Variants in ZNF423 observed in about 807,000 individuals in gnomAD.
The protein encoded by ZNF423 is Ebf-associated zinc finger protein.
A neutral mutation model predicts 95.8 loss-of-function variants in ZNF423; 12 were observed. The ratio of observed to expected loss-of-function variants is 0.13; its 90% CI spans 0.08 to 0.20. ZNF423 has a LOEUF of 0.20. Among genes scored for constraint, ZNF423 ranks in the 10% least tolerant of loss-of-function variants. The probability of loss-of-function intolerance (pLI) is 1.00; values close to 1 mark genes in which losing one functional copy is unlikely to be tolerated. For missense variants in ZNF423, 1,316 were observed against 1,737.1 expected, an observed-to-expected ratio of 0.76 and a Z score of 4.31; for synonymous variants, 749 against 711.9, an observed-to-expected ratio of 1.05 and a Z score of -0.83.
chr16:49,714,244 C>T (rs1260967850), intron 3 of ZNF423, among the ~76,000 whole-genome samples: 1 of 152,190 alleles, frequency 6.6e-6, no homozygotes, highest in Admixed American at 6.5e-5. Context: ...TATGACGAAG[C>T]ACCCGGTGCT....
At position 49,665,985 on chromosome 16, in the gene ZNF423, T is replaced by G. The variant is rs182868132; in HGVS notation, c.302-27111A>C. On this transcript the variant is annotated intron_variant, in intron 3 of 7. Transcript: ENST00000563137. ...CTCCTAATGGCCTGGCTGTCCCGAG[T>G]GGGCCCCGGAACACAGCAAACTTCA... 5.3e-5 allele frequency among the ~76,000 whole-genome samples: 8 copies of G among 152,206 alleles called. No individual in the cohort carries two copies. In the East Asian group the frequency reaches 1.5e-3, roughly 29 times the overall value.
intron 5 of ZNF423, among the ~76,000 whole-genome samples, chr16:49,596,346 A>ACAGC (rs1483439662): frequency 6.6e-6 from 1 of 152,184 alleles, no homozygotes; most frequent in Non-Finnish European, 1.5e-5. Context: ...TCAGCCCTGG[A>ACAGC]CAGCCGGAGT....
chr16:49,576,232 T>C (rs1970495219), intron 5 of ZNF423, among the ~76,000 whole-genome samples: 1 of 152,212 alleles, frequency 6.6e-6, no homozygotes, highest in Admixed American at 6.5e-5. Context: ...AGATAGACAC[T>C]GGGAACACTG....
chr16:49,583,255 C>G (rs1249587898), intron 5 of ZNF423, among the ~76,000 whole-genome samples: 1 of 152,146 alleles, frequency 6.6e-6, no homozygotes, highest in Non-Finnish European at 1.5e-5. Context: ...CCTGTATGTT[C>G]CTATCCTTGG....
At chr16:49,740,935 G>A (rs1197928457) in intron 2 of ZNF423, among the ~76,000 whole-genome samples, 1 of 152,114 alleles carries the variant, frequency 6.6e-6, no homozygotes, top group African/African-American at 2.4e-5. Flanking sequence ...CTTTCGCCTC[G>A]TGACCCCCAG....
At chr16:49,655,440 G>A (rs1318205624) in intron 3 of ZNF423, among the ~76,000 whole-genome samples, 1 of 152,158 alleles carries the variant, frequency 6.6e-6, no homozygotes, top group Non-Finnish European at 1.5e-5. Flanking sequence ...GGAAAACAGT[G>A]ATCAGTGACC....
At chr16:49,559,396 C>A (rs189970975) in intron 5 of ZNF423, among the ~76,000 whole-genome samples, 2 of 152,182 alleles carry the variant, frequency 1.3e-5, no homozygotes, top group African/African-American at 4.8e-5. Flanking sequence ...GGCCAGATGG[C>A]GAGAGATTTC....
At chr16:49,619,706 C>T (rs1375223321) in intron 5 of ZNF423, among the ~76,000 whole-genome samples, 1 of 152,188 alleles carries the variant, frequency 6.6e-6, no homozygotes, top group African/African-American at 2.4e-5. Flanking sequence ...ATTTTTATCA[C>T]ATATTAAGGT....
At chr16:49,701,934 T>G (rs2032195735) in intron 3 of ZNF423, among the ~76,000 whole-genome samples, 1 of 152,170 alleles carries the variant, frequency 6.6e-6, no homozygotes, top group Non-Finnish European at 1.5e-5. Flanking sequence ...CTGTGTAATT[T>G]CCAGTTCCTC....
At chr16:49,619,517 C>T (rs1276580927) in intron 5 of ZNF423, among the ~76,000 whole-genome samples, 1 of 151,942 alleles carries the variant, frequency 6.6e-6, no homozygotes, top group Non-Finnish European at 1.5e-5. Context: ...GTCCTTTGGG[C>T]TGGTTCTCTC....
chr16:49,599,152 T>G (rs1268522759), intron 5 of ZNF423, among the ~76,000 whole-genome samples: 1 of 152,004 alleles, frequency 6.6e-6, no homozygotes, highest in Non-Finnish European at 1.5e-5. Context: ...TTGAAATCGC[T>G]TACAGGTTGG....
chr16:49,711,052 T>C (rs1198236267), intron 3 of ZNF423, among the ~76,000 whole-genome samples: 1 of 151,706 alleles, frequency 6.6e-6, no homozygotes, highest in South Asian at 2.1e-4. Context: ...GTGACGACTG[T>C]GGAACGGGGT....
At chr16:49,529,540 G>A (rs1360649355) in intron 5 of ZNF423, among the ~76,000 whole-genome samples, 1 of 152,212 alleles carries the variant, frequency 6.6e-6, no homozygotes, top group Non-Finnish European at 1.5e-5. Context: ...GAGGAGCAGA[G>A]GGCTTTGTGG....
At chr16:49,685,639 C>G (rs1044556307) in intron 3 of ZNF423, among the ~76,000 whole-genome samples, 2 of 152,212 alleles carry the variant, frequency 1.3e-5, no homozygotes, top group Non-Finnish European at 2.9e-5. Context: ...CATTTCCACA[C>G]CTTGTCAACG....
chr16:49,727,043 G>A (rs756971660), intron 3 of ZNF423, among the ~76,000 whole-genome samples: 37 of 152,198 alleles, frequency 2.4e-4, no homozygotes, highest in Non-Finnish European at 3.7e-4. Flanking sequence ...ACAGACATCA[G>A]GGCGGGAGAA....
At chr16:49,856,180 C>A (rs1227501309), upstream of ZNF423, 1 of 137,424 alleles carries the variant, frequency 7.3e-6, no homozygotes, top group Non-Finnish European at 1.6e-5. Flanking sequence ...CCGCCGGCCC[C>A]CGGCCCCTGC....
chr16:49,656,540 T>C (rs1861336), intron 3 of ZNF423, among the ~76,000 whole-genome samples: 64,335 of 151,002 alleles, frequency 0.43, 13,911 homozygotes, highest in East Asian at 0.55. Flanking sequence ...GGCAAGTGGG[T>C]AAATGGATGA....
intron 2 of ZNF423, among the ~76,000 whole-genome samples, chr16:49,731,964 C>A (rs1043864492): frequency 6.6e-6 from 1 of 152,164 alleles, no homozygotes; most frequent in Non-Finnish European, 1.5e-5. Flanking sequence ...AAAGTGAATT[C>A]GTAATCATAA....
At chr16:49,622,759 C>T (rs1022128258) in intron 5 of ZNF423, among the ~76,000 whole-genome samples, 6 of 152,216 alleles carry the variant, frequency 3.9e-5, no homozygotes, top group African/African-American at 1.2e-4. Context: ...GGGTAACTCA[C>T]GTAACCTCTC....
Sources: gnomAD v4.1 joint callset for allele counts (sites outside exome capture counted in the v4.1 genomes callset) on GRCh38, gnomAD v4.1.1 for gene constraint, MANE v1.5 for transcripts, NCBI Gene and HGNC (gene_info 2026-07-23, HGNC 2026-07-21) for gene names.